Variants in XRCC4 observed in about 807,000 individuals in gnomAD.
The protein encoded by XRCC4 is DNA repair protein XRCC4.
A neutral mutation model predicts 39.1 loss-of-function variants in XRCC4; 28 were observed. The observed-to-expected ratio is 0.72, with a 90% CI of 0.53 to 0.98. The LOEUF (loss-of-function observed/expected upper bound fraction) is 0.98. Among genes scored for constraint, XRCC4 ranks in the 50% least tolerant of loss-of-function variants. The pLI, the probability that XRCC4 is intolerant of heterozygous loss-of-function variation, is 0.00. For missense variants in XRCC4, 350 were observed against 376.4 expected (o/e 0.93, Z 0.58); for synonymous variants, 123 against 126.4 (o/e 0.97, Z 0.18).
At position 83,303,506 on chromosome 5, in the gene XRCC4, G is replaced by T. The variant is rs191659045; in HGVS notation, c.893+44829G>T. 2.0e-3 allele frequency among the ~76,000 whole-genome samples: 306 copies of T among 152,204 alleles called. 1 individual carries two copies. Among genetic ancestry groups the T allele is most frequent in the African/African-American group, 6.8e-3 (282 of 41,554 alleles). On this transcript the variant is annotated intron_variant, in intron 7 of 7. Coordinates refer to ENST00000396027, the MANE Select transcript of XRCC4 (RefSeq NM_003401.5). ...ATGAGAAATACTAATGACAATTGTGGTGGTATAATAATAAATTATAAGGAA... is the reference window on the plus strand; with the variant it reads ...ATGAGAAATACTAATGACAATTGTGTTGGTATAATAATAAATTATAAGGAA...
intron 3 of XRCC4, among the ~76,000 whole-genome samples, chr5:83,132,509 C>A (rs940150589): frequency 6.6e-5 from 10 of 152,042 alleles, no homozygotes; most frequent in African/African-American, 2.4e-4. Flanking sequence ...CTGTCATTTT[C>A]AGGTACACCA....
At chr5:83,299,903 A>G (rs1755217664) in intron 7 of XRCC4, among the ~76,000 whole-genome samples, 1 of 152,100 alleles carries the variant, frequency 6.6e-6, no homozygotes, top group South Asian at 2.1e-4. Flanking sequence ...TGTTTCTACT[A>G]TTCTTACTTA....
At chr5:83,273,132 T>G (rs774945925) in intron 7 of XRCC4, among the ~76,000 whole-genome samples, 1 of 152,238 alleles carries the variant, frequency 6.6e-6, no homozygotes, top group Non-Finnish European at 1.5e-5. Context: ...TGGAGTGAGA[T>G]AGTATCTCAT....
intron 7 of XRCC4, among the ~76,000 whole-genome samples, chr5:83,304,920 C>T (rs544503761): frequency 1.4e-4 from 21 of 151,424 alleles, no homozygotes; most frequent in Non-Finnish European, 2.8e-4. Context: ...AGCAAACAAA[C>T]TCTCATGTCT....
chr5:83,268,852 T>C (rs1022367792), intron 7 of XRCC4, among the ~76,000 whole-genome samples: 7 of 152,266 alleles, frequency 4.6e-5, no homozygotes, highest in Non-Finnish European at 1.0e-4. Flanking sequence ...ATTGAACAAA[T>C]CAATTTAGCA....
intron 3 of XRCC4, among the ~76,000 whole-genome samples, chr5:83,194,799 A>G (rs1414636769): frequency 1.3e-5 from 2 of 152,182 alleles, no homozygotes; most frequent in Non-Finnish European, 2.9e-5. Flanking sequence ...TTACCAAGAA[A>G]CAGCACAACA....
At chr5:83,345,876 A>G (rs1331952927) in intron 7 of XRCC4, among the ~76,000 whole-genome samples, 1 of 152,182 alleles carries the variant, frequency 6.6e-6, no homozygotes, top group Admixed American at 6.5e-5. Context: ...TTTCTTTTTA[A>G]TAAATCTAGC....
At chr5:83,219,410 G>A (rs1403172263) in intron 6 of XRCC4, among the ~76,000 whole-genome samples, 2 of 152,076 alleles carry the variant, frequency 1.3e-5, no homozygotes, top group African/African-American at 4.8e-5. Flanking sequence ...GTTTTCAAAA[G>A]GGACCATATT....
chr5:83,077,956 A>T (rs1354387179), intron 1 of XRCC4: 1 of 152,694 alleles, frequency 6.5e-6, no homozygotes, highest in African/African-American at 2.4e-5. Context: ...AGTGTTGAGT[A>T]GGCTGTTTGA....
chr5:83,133,524 C>T (rs763696988), intron 3 of XRCC4, among the ~76,000 whole-genome samples: 4 of 152,214 alleles, frequency 2.6e-5, no homozygotes, highest in South Asian at 2.1e-4. Flanking sequence ...CCTTGAGCTG[C>T]GTTGGGCTCC....
rs59416363 is a variant in XRCC4, at chr5:83,217,358, C to CAAAAAAAAAAAAAAAAAAAA, written c.745+12456_745+12457insAAAAAAAAAAAAAAAAAAAA. Among the ~76,000 whole-genome samples the CAAAAAAAAAAAAAAAAAAAA allele has an allele frequency of 5.7e-4, 55 of 96,132 alleles. 1 individual carries two copies. The highest frequency in any genetic ancestry group is 2.4e-3 in the African/African-American group (52 of 21,248). 63.1% of individuals were successfully genotyped at this position (96,132 alleles called of 152,430 possible). ...GGCAGCGCAGAGCAAGACTCCGTCT[C>CAAAAAAAAAAAAAAAAAAAA]AAAAAAAAAAAAAAAAAAACCATTG... On this transcript the variant is annotated intron_variant, in intron 6 of 7. Transcript: ENST00000396027.
chr5:83,208,768 A>G (rs1294641514), intron 6 of XRCC4, among the ~76,000 whole-genome samples: 1 of 152,118 alleles, frequency 6.6e-6, no homozygotes, highest in Non-Finnish European at 1.5e-5. Flanking sequence ...ACCGCATACT[A>G]CATTTTATAT....
intron 3 of XRCC4, among the ~76,000 whole-genome samples, chr5:83,118,609 A>G (rs1477055931): frequency 6.6e-6 from 1 of 152,130 alleles, no homozygotes; most frequent in Admixed American, 6.5e-5. Context: ...TAAGACAGTC[A>G]CTCCCAAATT....
intron 3 of XRCC4, among the ~76,000 whole-genome samples, chr5:83,131,590 A>T (rs1747585860): frequency 6.6e-6 from 1 of 152,198 alleles, no homozygotes; most frequent in South Asian, 2.1e-4. Flanking sequence ...CATTTAGGAT[A>T]GTTAGCTCTT....
At chr5:83,275,524 T>C (rs1418185341) in intron 7 of XRCC4, among the ~76,000 whole-genome samples, 2 of 152,032 alleles carry the variant, frequency 1.3e-5, no homozygotes, top group African/African-American at 4.8e-5. Context: ...CTCGATCTCC[T>C]GACCTCGTGA....
chr5:83,357,175 C>T (rs1757199294), downstream of XRCC4, among the ~76,000 whole-genome samples: 1 of 152,166 alleles, frequency 6.6e-6, no homozygotes, highest in Non-Finnish European at 1.5e-5. Context: ...ATCCTTTCAA[C>T]AAATATTTGT....
At chr5:83,308,424 C>A (rs1183762711) in intron 7 of XRCC4, among the ~76,000 whole-genome samples, 1 of 151,636 alleles carries the variant, frequency 6.6e-6, no homozygotes, top group Non-Finnish European at 1.5e-5. Context: ...TAAAATTGGG[C>A]CACTTTTAAC....
intron 3 of XRCC4, among the ~76,000 whole-genome samples, chr5:83,134,048 C>A (rs1197978537): frequency 1.3e-5 from 2 of 152,210 alleles, no homozygotes; most frequent in African/African-American, 2.4e-5. Context: ...GTCTTCACGG[C>A]CGGCTAGCTC....
intron 6 of XRCC4, among the ~76,000 whole-genome samples, chr5:83,215,323 A>G (rs982850389): frequency 6.6e-6 from 1 of 152,160 alleles, no homozygotes; most frequent in Non-Finnish European, 1.5e-5. Flanking sequence ...TGGGTGACAG[A>G]GCGAGACCCT....
Sources: allele counts gnomAD v4.1 joint callset (sites outside exome capture counted in the v4.1 genomes callset), GRCh38; gene constraint gnomAD v4.1.1; transcripts MANE v1.5; gene names NCBI Gene and HGNC (gene_info 2026-07-23, HGNC 2026-07-21).